Variants in RBFA observed in about 807,000 individuals in gnomAD.
RBFA encodes the protein ribosome binding factor A, also known as putative ribosome-binding factor A, mitochondrial.
In RBFA, 16 loss-of-function variants were observed where a neutral mutation model predicts 27.9. The observed-to-expected ratio is 0.57, with a 90% confidence interval of 0.39 to 0.87. The LOEUF is 0.87. Ranked by LOEUF, RBFA falls within the 40% of genes least tolerant of loss-of-function variation. RBFA has a pLI of 0.00. For synonymous variants in RBFA, 181 were observed against 181.0 expected, an observed-to-expected ratio of 1.00 and a Z score of 0.00; for missense variants, 456 against 432.1, an observed-to-expected ratio of 1.06 and a Z score of -0.49.
intron 5 of RBFA, 113 bp from the exon 6 acceptor site, chr18:80,044,099 C>G (rs566782654): frequency 6.7e-6 from 6 of 895,540 alleles, no homozygotes; most frequent in South Asian, 6.6e-5. Context: ...AGGAATTGTG[C>G]AAAGTCTGAT....
intron 4 of RBFA, among the ~76,000 whole-genome samples, chr18:80,039,696 A>G (rs2145145126): frequency 6.6e-6 from 1 of 152,330 alleles, no homozygotes; most frequent in East Asian, 1.9e-4. Context: ...ATTGGCAGCG[A>G]CCTTAACAAA....
rs893139944 is a variant in RBFA, at chr18:80,050,410, G to A, written c.*4255G>A. ...ATTTGTGGGGTACATGAGATGTTTT[G>A]ATACAGACATGCAATGTGAAAAAGC... On this transcript the variant is annotated 3_prime_UTR_variant, in exon 7 of 7. Coordinates refer to ENST00000306735, the MANE Select transcript of RBFA (RefSeq NM_024805.3). Among the ~76,000 whole-genome samples the A allele has an allele frequency of 6.6e-6, 1 of 152,180 alleles. No homozygotes were observed. Among genetic ancestry groups the A allele is most frequent in the African/African-American group, 2.4e-5 (1 of 41,448 alleles).
chr18:80,038,474 A>T (rs760255410), intron 3 of RBFA, 31 bp from the exon 4 acceptor site: 1 of 1,488,798 alleles, frequency 6.7e-7, no homozygotes, highest in Non-Finnish European at 9.3e-7. Context: ...ATGTAAGCTA[A>T]AAAGTGACCT....
chr18:80,044,369 G>T, intron 6 of RBFA, 84 bp downstream of exon 6: 1 of 1,206,428 alleles, frequency 8.3e-7, no homozygotes, highest in Non-Finnish European at 1.2e-6. Flanking sequence ...GCTGCCCAGC[G>T]CCACATCCCG....
chr18:80,048,636 C>T lies in RBFA; in HGVS notation c.*2481C>T, dbSNP rs1254600788. 6.6e-6 allele frequency among the ~76,000 whole-genome samples: 1 copy of T among 152,226 alleles called. No homozygotes were observed. Among genetic ancestry groups the T allele is most frequent in the African/African-American group, 2.4e-5 (1 of 41,452 alleles). On this transcript the variant is annotated 3_prime_UTR_variant, in exon 7 of 7. Transcript: ENST00000306735. ...GAGAGCCCCAGGCTGCTGCCCAGAC[C>T]TCCACGCCTGTGCCGGATGTGGTGT... is the stretch of plus-strand genomic sequence containing the variant.
intron 4 of RBFA, among the ~76,000 whole-genome samples, chr18:80,039,085 C>T (rs930473928): frequency 1.3e-5 from 2 of 152,210 alleles, no homozygotes; most frequent in African/African-American, 2.4e-5. Flanking sequence ...GATGCCGAGG[C>T]GGGAGGATCA....
At chr18:80,035,167 T>C (rs2051968360) in intron 1 of RBFA, 1 of 154,074 alleles carries the variant, frequency 6.5e-6, no homozygotes, top group Non-Finnish European at 1.4e-5. Flanking sequence ...ATTGCAAAAA[T>C]AGTACCGCGT....
Position 80,045,972 on chromosome 18 carries a change from G to GC in RBFA, c.853dup (p.Arg285ProfsTer18). 6.2e-7 allele frequency: 1 copy of GC among 1,614,178 alleles called. No individual in the cohort carries two copies. On this transcript the variant is annotated frameshift_variant, in exon 7 of 7. Transcript: ENST00000306735. LOFTEE classifies it low-confidence loss of function (END_TRUNC). ...TGAAAAAGGGAAGGAAGAGGGCCAA[G>GC]CCCCGCCTGGAGCAGGACAGCTCCC...
rs189680083 is a variant in RBFA, at chr18:80,046,951, C to T, written c.*796C>T. The T allele has an allele frequency of 2.6e-5, 4 of 152,468 alleles. No homozygotes were observed. Among genetic ancestry groups the T allele is most frequent in the Admixed American group, 2.0e-4 (3 of 15,280 alleles). 9.4% of individuals were successfully genotyped at this position (152,468 alleles called of 1,614,324 possible). On this transcript the variant is annotated 3_prime_UTR_variant, in exon 7 of 7. Coordinates refer to ENST00000306735, the MANE Select transcript of RBFA (RefSeq NM_024805.3). ...TTGTGTCACCTCCGACGCAAAGATT[C>T]GTTTTGCTGTTTATCAGAAGAGAAA...
In RBFA at chr18:80,034,436, T is replaced by C; in HGVS notation, c.-60T>C. 10 of 1,399,866 alleles carry C rather than the reference T, an allele frequency of 7.1e-6. No homozygotes were observed. The highest frequency in any genetic ancestry group is 5.6e-6 in the Non-Finnish European group (6 of 1,080,092). The allele number at this position is 1,399,866 out of a possible 1,614,324, so 86.7% of individuals were successfully genotyped here. A position where few individuals can be genotyped will look rare whatever the true frequency, so the allele number is the denominator to read the frequency against. Reference sequence around the variant, plus strand: ...CCACACGCCGCCACCCTCGCGTCAGTTGTCGCTCCGCGCCTGCGCCCGTTG... The same window carrying C: ...CCACACGCCGCCACCCTCGCGTCAGCTGTCGCTCCGCGCCTGCGCCCGTTG... On this transcript the variant is annotated 5_prime_UTR_variant, in exon 1 of 7. Transcript: ENST00000306735.
Position 80,046,422 on chromosome 18 carries a change from C to G in RBFA, c.*267C>G. The G allele has an allele frequency of 2.4e-6, 1 of 423,026 alleles. No individual in the cohort carries two copies. Among genetic ancestry groups the G allele is most frequent in the South Asian group, 2.4e-5 (1 of 41,284 alleles). The allele number at this position is 423,026 out of a possible 1,614,324, so 26.2% of individuals were successfully genotyped here. On this transcript the variant is annotated 3_prime_UTR_variant, in exon 7 of 7. Transcript: ENST00000306735. ...ATGGTAAAATAGTGTCTCTGAGATG[C>G]TGGCATGGCCACCTCCACCTGCAGA...
rs184952717 is a variant in RBFA at position 80,049,071 on chromosome 18, G to A, written c.*2916G>A. Among the ~76,000 whole-genome samples, 1 of 152,258 alleles carries A rather than the reference G, an allele frequency of 6.6e-6. No individual in the cohort carries two copies. The highest frequency in any genetic ancestry group is 1.5e-5 in the Non-Finnish European group (1 of 68,046). Reference sequence around the variant, plus strand: ...AGAGAAAACTGGCTTAGGCCTCCCTGTTTCTGGCGTGGCCTTCCCTGGGAG... The same window carrying A: ...AGAGAAAACTGGCTTAGGCCTCCCTATTTCTGGCGTGGCCTTCCCTGGGAG... On this transcript the variant is annotated 3_prime_UTR_variant, in exon 7 of 7. Coordinates refer to ENST00000306735, the MANE Select transcript of RBFA (RefSeq NM_024805.3).
intron 5 of RBFA, among the ~76,000 whole-genome samples, chr18:80,043,937 T>C (rs1568389459): frequency 6.6e-6 from 1 of 152,242 alleles, no homozygotes; most frequent in Non-Finnish European, 1.5e-5. Flanking sequence ...GCTTAACTGG[T>C]TTCTTCATAA....
At position 80,037,398 on chromosome 18, in the gene RBFA, T is replaced by C. The variant is rs150145069; in HGVS notation, c.270T>C (p.His90=). The stretch of plus-strand genomic sequence containing the variant: ...CAAAGAAAACCAGGAAGGAAGACCA[T>C]GCGCGCCTGAGGGCCCTGAACGGCC... ...STSKKTRKED[H]ARLRALNGLL... Residue 90 remains histidine, a synonymous_variant, in exon 3 of 7, where the codon CAT becomes CAC. Transcript: ENST00000306735. 294 of 1,614,152 alleles carry C rather than the reference T, an allele frequency of 1.8e-4. No homozygotes were observed. In the Middle Eastern group the frequency reaches 9.3e-3, roughly 51 times the overall value.
Position 80,047,813 on chromosome 18 carries a change from T to TG in RBFA, c.*1659dup, listed in dbSNP as rs1320323170. On this transcript the variant is annotated 3_prime_UTR_variant, in exon 7 of 7. Coordinates refer to ENST00000306735, the MANE Select transcript of RBFA (RefSeq NM_024805.3). ...ATCTCTAGGGTTTCTGGTAGCCAGTTGCGGGGTGTCCAGTGAAGGGGTGTA... is the reference window on the plus strand; with the variant it reads ...ATCTCTAGGGTTTCTGGTAGCCAGTTGGCGGGGTGTCCAGTGAAGGGGTGTA... Among the ~76,000 whole-genome samples the TG allele has an allele frequency of 2.0e-5, 3 of 152,294 alleles. No homozygotes were observed. The highest frequency in any genetic ancestry group is 6.5e-5 in the Admixed American group (1 of 15,294).
At chr18:80,044,076 AAG>A in intron 5 of RBFA, 134 bp from the exon 6 acceptor site, 1 of 760,254 alleles carries the variant, frequency 1.3e-6, no homozygotes, top group Admixed American at 1.8e-5. Context: ...AGTATTTGGG[AAG>A]AGTCGGTGGA....
chr18:80,044,594 A>G (rs1021902336), intron 6 of RBFA, among the ~76,000 whole-genome samples: 3 of 152,234 alleles, frequency 2.0e-5, no homozygotes, highest in East Asian at 3.9e-4. Context: ...AGCCCTGGTC[A>G]AGCACTTAGG....
intron 3 of RBFA, 109 bp downstream of exon 3, chr18:80,037,615 C>A: frequency 1.0e-6 from 1 of 998,916 alleles, no homozygotes; most frequent in Non-Finnish European, 1.4e-6. Flanking sequence ...TTAGACTGGG[C>A]GCGGTGGCTC....
At position 80,050,536 on chromosome 18, in the gene RBFA, A is replaced by G. The variant is rs2052088986; in HGVS notation, c.*4381A>G. ...TAGTTATTTTTAAATATGCAATTAAATTGTTATTGACTATAGTCACCCTTC... is the reference window on the plus strand; with the variant it reads ...TAGTTATTTTTAAATATGCAATTAAGTTGTTATTGACTATAGTCACCCTTC... On this transcript the variant is annotated 3_prime_UTR_variant, in exon 7 of 7. Coordinates refer to ENST00000306735, the MANE Select transcript of RBFA (RefSeq NM_024805.3). Among the ~76,000 whole-genome samples the G allele has an allele frequency of 6.6e-6, 1 of 152,204 alleles. No homozygotes were observed.
Sources: allele counts gnomAD v4.1 joint callset (sites outside exome capture counted in the v4.1 genomes callset), GRCh38; gene constraint gnomAD v4.1.1; transcripts MANE v1.5; gene names NCBI Gene and HGNC (gene_info 2026-07-23, HGNC 2026-07-21).